The following ZKSCAN5 variants were observed in gnomAD, a reference collection of about 807,000 sequenced individuals.
ZKSCAN5 encodes zinc finger with KRAB and SCAN domains 5, also known as zinc finger protein with KRAB and SCAN domains 5.
Under a neutral mutation model 60.0 loss-of-function variants are expected in ZKSCAN5, and 28 were observed. The observed-to-expected ratio is 0.47, with a 90% CI of 0.35 to 0.64. The LOEUF (loss-of-function observed/expected upper bound fraction) is 0.64. Among genes scored for constraint, ZKSCAN5 ranks in the 30% least tolerant of loss-of-function variants. ZKSCAN5 has a pLI of 0.01. For missense variants in ZKSCAN5, 881 were observed against 1,034.6 expected (o/e 0.85, Z 2.04); for synonymous variants, 361 against 371.2 (o/e 0.97, Z 0.31).
Position 99,531,912 on chromosome 7 carries a change from A to G in ZKSCAN5, c.2183A>G (p.Tyr728Cys), listed in dbSNP as rs1363306808. Residue 728 changes from tyrosine to cysteine, a missense_variant, in exon 7 of 7, where the codon TAT becomes TGT. By Grantham distance (194) the Tyr-to-Cys change is radical. This residue lies in a region of ZKSCAN5 where 138 missense variants were observed against 143.8 expected (regional missense o/e 0.96). Transcript: ENST00000326775. ...GATATCTGTGGAAAAGCCTTTGGTT[A>G]TAGCTCAGACCTCATTCAGCATTAC... ...QCDICGKAFGYSSDLIQHYRT... is the reference protein window; with the variant it reads ...QCDICGKAFGCSSDLIQHYRT... 1 of 1,614,194 alleles carries G rather than the reference A, an allele frequency of 6.2e-7. No homozygotes were observed.
chr7:99,520,048 TC>T, intron 4 of ZKSCAN5, 120 bp from the exon 5 acceptor site: 2 of 1,501,086 alleles, frequency 1.3e-6, no homozygotes, highest in South Asian at 2.5e-5. Flanking sequence ...GCCTAGTCCT[TC>T]CCCATCCTCT....
At chr7:99,506,483 G>A (rs1193422977) in intron 2 of ZKSCAN5, 25 bp downstream of exon 2, 1 of 1,586,192 alleles carries the variant, frequency 6.3e-7, no homozygotes. Context: ...AGCTATATGA[G>A]CAATGAAGGA....
In ZKSCAN5 at chr7:99,531,811, T is replaced by G. The variant is rs1315795867; in HGVS notation, c.2082T>G (p.Cys694Trp). Residue 694 changes from cysteine (C) to tryptophan (W), a missense_variant, in exon 7 of 7, where the codon TGT (cysteine) becomes TGG (tryptophan). Coordinates refer to ENST00000326775, the MANE Select transcript of ZKSCAN5 (RefSeq NM_145102.4). ...MGQKNEKNGI[C>W]EEAYSWNLTV... ...AGAAAAATGAAAAAAATGGCATCTG[T>G]GAGGAAGCATATAGTTGGAACTTGA... The G allele has an allele frequency of 2.5e-6, 4 of 1,614,104 alleles. No individual in the cohort carries two copies. The South Asian group carries it at 4.4e-5, about 18-fold the overall frequency.
intron 4 of ZKSCAN5, 129 bp from the exon 5 acceptor site, chr7:99,520,040 C>G (rs1000819719): frequency 3.3e-6 from 5 of 1,493,998 alleles, no homozygotes; most frequent in Non-Finnish European, 2.8e-6. Context: ...TCCTTTCTGC[C>G]TAGTCCTTCC....
rs780793121 is a variant in ZKSCAN5 at position 99,506,366 on chromosome 7, C to A, written c.322C>A (p.Pro108Thr). The change falls in exon 2 of 7, where the codon CCC (proline) becomes ACC (threonine). Residue 108 changes from proline to threonine, a missense_variant. Around this residue, in one of 5 missense-constraint regions of ZKSCAN5, gnomAD observed 53 missense variants for 88.7 expected, o/e 0.60. Coordinates refer to ENST00000326775, the MANE Select transcript of ZKSCAN5 (RefSeq NM_145102.4). The part of the protein sequence containing the change: ...FLTILPEEFQ[P>T]WVREHHPESG... ...GACCATCCTGCCTGAAGAGTTCCAG[C>A]CCTGGGTGAGGGAACATCACCCTGA... The A allele has an allele frequency of 1.2e-5, 19 of 1,614,028 alleles. No homozygotes were observed. Among genetic ancestry groups the A allele is most frequent in the Non-Finnish European group, 1.6e-5 (19 of 1,180,032 alleles).
chr7:99,522,507 T>C (rs1163867126), intron 5 of ZKSCAN5, among the ~76,000 whole-genome samples: 1 of 151,366 alleles, frequency 6.6e-6, no homozygotes, highest in Non-Finnish European at 1.5e-5. Flanking sequence ...AGTGTCTCGC[T>C]CTGTTGCCCA....
rs773945945 is a variant in ZKSCAN5, at chr7:99,532,081, G to T, written c.2352G>T (p.Leu784=). 1.2e-6 allele frequency: 2 copies of T among 1,614,212 alleles called. No individual in the cohort carries two copies. Among genetic ancestry groups the T allele is most frequent in the Non-Finnish European group, 1.7e-6 (2 of 1,180,050 alleles). ...ATGAATGTGGCAGAGGCTTCACTCT[G>T]AAGTCACATCTTAATCAACATCAGA... ...QCHECGRGFT[L]KSHLNQHQRI... is the part of the protein sequence containing the mutation. Residue 784 remains leucine (L), a synonymous_variant, in exon 7 of 7, where the codon CTG becomes CTT. Transcript: ENST00000326775.
chr7:99,528,127 T>C (rs1463124328), intron 6 of ZKSCAN5, among the ~76,000 whole-genome samples: 1 of 151,458 alleles, frequency 6.6e-6, no homozygotes. Flanking sequence ...TTCTTTTTTT[T>C]TTTTTTTTTT....
At chr7:99,510,895 T>C (rs1051235335) in intron 2 of ZKSCAN5, among the ~76,000 whole-genome samples, 4 of 152,054 alleles carry the variant, frequency 2.6e-5, no homozygotes, top group African/African-American at 9.7e-5. Context: ...AGATGTATGC[T>C]ACCAGGCCTG....
Position 99,506,087 on chromosome 7 carries a change from C to G in ZKSCAN5, c.43C>G (p.Pro15Ala), listed in dbSNP as rs1401092628. ...ESREVIDLDP[P>A]AETSQEQEDL... Reference sequence around the variant, plus strand: ...CCGAGAAGTTATAGACTTAGACCCCCCAGCTGAGACTTCCCAGGAGCAGGA... The same window carrying G: ...CCGAGAAGTTATAGACTTAGACCCCGCAGCTGAGACTTCCCAGGAGCAGGA... Residue 15 changes from proline to alanine, a missense_variant, in exon 2 of 7, where the codon CCA becomes GCA. Transcript: ENST00000326775. 1 of 1,614,144 alleles carries G rather than the reference C, an allele frequency of 6.2e-7. No homozygotes were observed. The highest frequency in any genetic ancestry group is 8.5e-7 in the Non-Finnish European group (1 of 1,180,034).
chr7:99,507,595 GTA>G (rs1279388956), intron 2 of ZKSCAN5, among the ~76,000 whole-genome samples: 3 of 148,864 alleles, frequency 2.0e-5, no homozygotes, highest in Non-Finnish European at 3.0e-5. Flanking sequence ...ATGTGTGTGT[GTA>G]TATATATATG....
At position 99,505,990 on chromosome 7, in the gene ZKSCAN5, A is replaced by G. The variant is rs1241010466; in HGVS notation, c.-40-15A>G. The G allele has an allele frequency of 8.9e-6, 14 of 1,573,490 alleles. No individual in the cohort carries two copies. The highest frequency in any genetic ancestry group is 2.7e-5 in the African/African-American group (2 of 73,082). On this transcript the variant is annotated splice_polypyrimidine_tract_variant and intron_variant, in intron 1 of 6. Transcript: ENST00000326775. ...CTTCAGAAGATATTAAAGAGCAGAA[A>G]AACAATTGTTTCAGTGTAACACAGC...
chr7:99,510,275 T>C (rs1942143133), intron 2 of ZKSCAN5, among the ~76,000 whole-genome samples: 1 of 149,876 alleles, frequency 6.7e-6, no homozygotes, highest in Non-Finnish European at 1.5e-5. Context: ...AGTCTGGCTC[T>C]GCCACCCAGG....
chr7:99,513,747 G>C (rs1429159343), intron 3 of ZKSCAN5: 1 of 356,910 alleles, frequency 2.8e-6, no homozygotes, highest in Admixed American at 3.1e-5. Context: ...AAAAAACAAG[G>C]CCGGGCTCAG....
intron 6 of ZKSCAN5, 95 bp downstream of exon 6, chr7:99,526,513 A>G (rs1020292112): frequency 6.7e-7 from 1 of 1,499,052 alleles, no homozygotes; most frequent in Non-Finnish European, 8.9e-7. Flanking sequence ...GGGTGGTGAT[A>G]CTGGGGGGGG....
rs1351822202 is a variant in ZKSCAN5, at chr7:99,507,523, G to GTATATATATGTATA, written c.414+1070_414+1071insATATGTATATATAT. On this transcript the variant is annotated intron_variant, in intron 2 of 6. Coordinates refer to ENST00000326775, the MANE Select transcript of ZKSCAN5 (RefSeq NM_145102.4). ...TGTGTATATATATGTGTGTATATAT[G>GTATATATATGTATA]TATATGTGTATATATATATGTATAT... Among the ~76,000 whole-genome samples the GTATATATATGTATA allele has an allele frequency of 3.6e-4, 48 of 133,794 alleles. 3 individuals carry two copies. In the East Asian group the frequency reaches 3.7e-3, roughly 10 times the overall value. The allele number at this position is 133,794 out of a possible 152,430, so 87.8% of individuals were successfully genotyped here.
intron 5 of ZKSCAN5, among the ~76,000 whole-genome samples, chr7:99,524,478 C>T (rs1252958409): frequency 6.6e-6 from 1 of 152,160 alleles, no homozygotes; most frequent in Non-Finnish European, 1.5e-5. Context: ...TCCCAAAGTG[C>T]TGGGATTACA....
In ZKSCAN5 at chr7:99,506,132, G is replaced by T. The variant is rs769693628; in HGVS notation, c.88G>T (p.Val30Leu). Reference sequence around the variant, plus strand: ...GCAGGAAGACCTTTTCATAGTGAAGGTGGAAGAAGAAGACTGCACCTGGAT... The same window carrying T: ...GCAGGAAGACCTTTTCATAGTGAAGTTGGAAGAAGAAGACTGCACCTGGAT... ...QEQEDLFIVK[V>L]EEEDCTWMQE... Residue 30 changes from valine to leucine, a missense_variant, in exon 2 of 7, where the codon GTG (valine) becomes TTG (leucine). By Grantham distance (32) the Val-to-Leu change is conservative. This residue lies in a region of ZKSCAN5 where 88 missense variants were observed against 65.2 expected (regional missense o/e 1.35). Transcript: ENST00000326775. 1.9e-6 allele frequency: 3 copies of T among 1,614,186 alleles called. No individual in the cohort carries two copies. Among genetic ancestry groups the T allele is most frequent in the Non-Finnish European group, 2.5e-6 (3 of 1,180,044 alleles).
At chr7:99,506,871 T>G (rs12531715) in intron 2 of ZKSCAN5, among the ~76,000 whole-genome samples, 1 of 138,490 alleles carries the variant, frequency 7.2e-6, no homozygotes, top group Admixed American at 7.2e-5. Context: ...TTTTTTTTTG[T>G]ATTTTTAGTA....
Sources: allele counts gnomAD v4.1 joint callset (sites outside exome capture counted in the v4.1 genomes callset), GRCh38; gene constraint gnomAD v4.1.1; regional missense constraint gnomAD v4.1.1; transcripts MANE v1.5; gene names NCBI Gene and HGNC (gene_info 2026-07-23, HGNC 2026-07-21).